RCAN1: variants seen among roughly 807,000 people sequenced by gnomAD.
RCAN1 encodes the protein regulator of calcineurin 1.
Under a neutral mutation model 22.9 loss-of-function variants are expected in RCAN1, and 11 were observed. The ratio of observed to expected loss-of-function variants is 0.48; its 90% CI spans 0.30 to 0.79. The LOEUF (loss-of-function observed/expected upper bound fraction) is 0.79. Among genes scored for constraint, RCAN1 ranks in the 30% least tolerant of loss-of-function variants. RCAN1 has a pLI of 0.06. For synonymous variants in RCAN1, 136 were observed against 142.3 expected, an observed-to-expected ratio of 0.96 and a Z score of 0.32; for missense variants, 291 against 337.8, an observed-to-expected ratio of 0.86 and a Z score of 1.09.
chr21:34,599,906 C>G (rs1988278840), intron 1 of RCAN1, among the ~76,000 whole-genome samples: 1 of 152,124 alleles, frequency 6.6e-6, no homozygotes, highest in South Asian at 2.1e-4. Context: ...GCAGCATGAC[C>G]AATAGGTGTA....
intron 1 of RCAN1, among the ~76,000 whole-genome samples, chr21:34,556,933 G>C (rs939264356): frequency 6.6e-6 from 1 of 152,224 alleles, no homozygotes; most frequent in African/African-American, 2.4e-5. Context: ...GCTGTAAAAG[G>C]CTGGGCATGG....
chr21:34,592,916 A>G (rs1190305308), intron 1 of RCAN1, among the ~76,000 whole-genome samples: 1 of 152,190 alleles, frequency 6.6e-6, no homozygotes, highest in Non-Finnish European at 1.5e-5. Context: ...TGGTTCTTCT[A>G]AGCGCATGTG....
chr21:34,536,767 A>G (rs1461483201), intron 1 of RCAN1, among the ~76,000 whole-genome samples: 1 of 152,204 alleles, frequency 6.6e-6, no homozygotes, highest in Non-Finnish European at 1.5e-5. Context: ...CAAAATCTGC[A>G]ACTCTTCAAT....
chr21:34,537,826 TTG>T (rs3831800), intron 1 of RCAN1, among the ~76,000 whole-genome samples: 31 of 150,632 alleles, frequency 2.1e-4, no homozygotes, highest in African/African-American at 3.9e-4. Flanking sequence ...CACATGGTAA[TTG>T]TGTGTGTGTG....
intron 2 of RCAN1, 95 bp from the exon 3 acceptor site, chr21:34,521,753 C>G (rs928146529): frequency 9.6e-7 from 1 of 1,045,106 alleles, no homozygotes; most frequent in Admixed American, 2.4e-5. Context: ...ATGGGCAGGT[C>G]AATGTCCAGG....
At position 34,523,680 on chromosome 21, in the gene RCAN1, C is replaced by T; in HGVS notation, c.283G>A (p.Asp95Asn). ...AKFESLFRTY[D>N]KDITFQYFKS... Reference sequence around the variant, plus strand: ...AAATACTGAAAGGTGATGTCCTTGTCATACGTCCTAAAGAGGGACTCAAAT... The same window carrying T: ...AAATACTGAAAGGTGATGTCCTTGTTATACGTCCTAAAGAGGGACTCAAAT... The change falls in exon 2 of 4, where the codon GAC (aspartate) becomes AAC (asparagine). Residue 95 changes from aspartate (D) to asparagine (N), a missense_variant. Coordinates refer to ENST00000313806, the MANE Select transcript of RCAN1 (RefSeq NM_004414.7). 6.2e-7 allele frequency: 1 copy of T among 1,613,782 alleles called. No individual in the cohort carries two copies.
At chr21:34,558,074 A>G (rs778156832) in intron 1 of RCAN1, among the ~76,000 whole-genome samples, 1 of 152,246 alleles carries the variant, frequency 6.6e-6, no homozygotes, top group African/African-American at 2.4e-5. Context: ...TATGTTGACA[A>G]GTTCAAGCTG....
At chr21:34,521,260 G>C (rs1984504787) in intron 3 of RCAN1, 2 of 1,438,598 alleles carry the variant, frequency 1.4e-6, no homozygotes, top group Middle Eastern at 4.2e-4. Flanking sequence ...GCGGGGGGTG[G>C]AGGGGCGTGA....
chr21:34,569,602 T>C (rs917878517), intron 1 of RCAN1, among the ~76,000 whole-genome samples: 4 of 151,980 alleles, frequency 2.6e-5, no homozygotes, highest in Non-Finnish European at 5.9e-5. Context: ...GAGAAATCAC[T>C]GTGGCAGAGC....
chr21:34,564,722 T>C, intron 1 of RCAN1, among the ~76,000 whole-genome samples: 1 of 152,196 alleles, frequency 6.6e-6, no homozygotes, highest in Non-Finnish European at 1.5e-5. Context: ...GCCTCATAAC[T>C]ATAAATATAC....
intron 1 of RCAN1, among the ~76,000 whole-genome samples, chr21:34,587,197 A>G (rs558854573): frequency 6.6e-6 from 1 of 152,296 alleles, no homozygotes; most frequent in South Asian, 2.1e-4. Flanking sequence ...TTAAGATTTT[A>G]AGTAAAATGG....
At chr21:34,550,084 G>A (rs940304370) in intron 1 of RCAN1, among the ~76,000 whole-genome samples, 7 of 152,260 alleles carry the variant, frequency 4.6e-5, no homozygotes, top group East Asian at 1.9e-4. Flanking sequence ...GGACACCCTC[G>A]TTGTATTTCT....
At chr21:34,558,251 C>T (rs182404528) in intron 1 of RCAN1, among the ~76,000 whole-genome samples, 8 of 152,246 alleles carry the variant, frequency 5.3e-5, no homozygotes, top group Admixed American at 3.9e-4. Flanking sequence ...GCTGGGGTGC[C>T]CTGCTACCCG....
intron 1 of RCAN1, among the ~76,000 whole-genome samples, chr21:34,594,264 G>A (rs1988073086): frequency 6.6e-6 from 1 of 152,136 alleles, no homozygotes; most frequent in South Asian, 2.1e-4. Flanking sequence ...TTTCACAAAA[G>A]AAGGGTGGGC....
chr21:34,546,137 T>C (rs966863920), intron 1 of RCAN1, among the ~76,000 whole-genome samples: 8 of 152,188 alleles, frequency 5.3e-5, no homozygotes, highest in African/African-American at 1.4e-4. Flanking sequence ...TAAAAGAAAG[T>C]GATTTACTGA....
chr21:34,564,206 C>T (rs1055545433), intron 1 of RCAN1, among the ~76,000 whole-genome samples: 1 of 152,142 alleles, frequency 6.6e-6, no homozygotes, highest in South Asian at 2.1e-4. Flanking sequence ...ACCGTCCCCA[C>T]GATCTGACCA....
chr21:34,525,389 C>A, intron 1 of RCAN1: 2 of 1,446,984 alleles, frequency 1.4e-6, no homozygotes, highest in South Asian at 3.0e-5. Flanking sequence ...CGAAGGAACG[C>A]GGAGCTGGCG....
At chr21:34,587,136 T>C (rs1042564036) in intron 1 of RCAN1, among the ~76,000 whole-genome samples, 15 of 152,226 alleles carry the variant, frequency 9.9e-5, no homozygotes, top group African/African-American at 3.4e-4. Flanking sequence ...GAAACATAAC[T>C]ACAGGTCCTA....
chr21:34,523,684 C>G lies in RCAN1; in HGVS notation c.279G>C (p.Thr93=), dbSNP rs561856815. 6.2e-7 allele frequency: 1 copy of G among 1,611,062 alleles called. No individual in the cohort carries two copies. Among genetic ancestry groups the G allele is most frequent in the Non-Finnish European group, 8.5e-7 (1 of 1,179,328 alleles). ...CRAKFESLFR[T]YDKDITFQYF... is the part of the protein sequence containing the mutation. ...ACTGAAAGGTGATGTCCTTGTCATA[C>G]GTCCTAAAGAGGGACTCAAATTTGG... The change falls in exon 2 of 4, where the codon ACG becomes ACC. Residue 93 remains threonine (T), a synonymous_variant. Coordinates refer to ENST00000313806, the MANE Select transcript of RCAN1 (RefSeq NM_004414.7).
Sources: allele counts gnomAD v4.1 joint callset (sites outside exome capture counted in the v4.1 genomes callset), GRCh38; gene constraint gnomAD v4.1.1; transcripts MANE v1.5; gene names NCBI Gene and HGNC (gene_info 2026-07-23, HGNC 2026-07-21).